MYO6: variants seen among roughly 807,000 people sequenced by gnomAD.
The protein encoded by MYO6 is unconventional myosin-VI.
MYO6 carries 74 observed loss-of-function variants against 178.7 expected under a neutral mutation model. That is an observed-to-expected ratio of 0.41 (90% CI 0.34 to 0.50). The LOEUF is 0.50. MYO6 is among the 20% of genes least tolerant of loss of function. The pLI is 0.09. For missense variants in MYO6, 1,330 were observed against 1,547.4 expected, an observed-to-expected ratio of 0.86 and a Z score of 2.36; for synonymous variants, 477 against 504.6, an observed-to-expected ratio of 0.95 and a Z score of 0.73.
intron 1 of MYO6, among the ~76,000 whole-genome samples, chr6:75,788,487 A>T (rs1767902225): frequency 6.6e-6 from 1 of 151,894 alleles, no homozygotes; most frequent in African/African-American, 2.4e-5. Context: ...TCCCCCACAC[A>T]CTCTTCCAGC....
At chr6:75,879,575 G>T (rs1777850393) in intron 20 of MYO6, among the ~76,000 whole-genome samples, 1 of 152,090 alleles carries the variant, frequency 6.6e-6, no homozygotes, top group African/African-American at 2.4e-5. Flanking sequence ...TCTGTCTAGA[G>T]ACCAATAATT....
intron 3 of MYO6, among the ~76,000 whole-genome samples, chr6:75,828,288 G>A (rs1772683687): frequency 6.6e-6 from 1 of 152,050 alleles, no homozygotes; most frequent in Non-Finnish European, 1.5e-5. Flanking sequence ...TCATTAATGA[G>A]TACTCACTAG....
chr6:75,840,964 A>G (rs914864183), intron 8 of MYO6, among the ~76,000 whole-genome samples: 1 of 152,178 alleles, frequency 6.6e-6, no homozygotes, highest in Non-Finnish European at 1.5e-5. Context: ...GTCAATTGTG[A>G]TTCTTAGGAG....
intron 12 of MYO6, among the ~76,000 whole-genome samples, chr6:75,855,843 T>C (rs932079443): frequency 1.3e-5 from 2 of 152,148 alleles, no homozygotes; most frequent in Admixed American, 6.5e-5. Flanking sequence ...TAGAATAAAA[T>C]TGACATTCAG....
intron 20 of MYO6, among the ~76,000 whole-genome samples, chr6:75,879,506 C>T (rs1437196096): frequency 2.7e-5 from 4 of 150,438 alleles, no homozygotes; most frequent in South Asian, 2.1e-4. Context: ...GTTTGCCTGG[C>T]GTGGCCTCCC....
At chr6:75,840,498 A>G (rs1225421775) in intron 7 of MYO6, 87 bp from the exon 8 acceptor site, 4 of 891,558 alleles carry the variant, frequency 4.5e-6, no homozygotes, top group Non-Finnish European at 7.5e-6. Flanking sequence ...TTCTAGACAT[A>G]TATATTAACA....
intron 17 of MYO6, among the ~76,000 whole-genome samples, 155 bp downstream of exon 17, chr6:75,866,776 C>A (rs1333683136): frequency 6.6e-6 from 1 of 152,232 alleles, no homozygotes; most frequent in Non-Finnish European, 1.5e-5. Context: ...AGCCACACTT[C>A]AGGTGCCCAG....
chr6:75,911,034 G>T (rs1488920563), intron 32 of MYO6, among the ~76,000 whole-genome samples: 1 of 152,020 alleles, frequency 6.6e-6, no homozygotes, highest in Non-Finnish European at 1.5e-5. Flanking sequence ...CCTCTTCCTG[G>T]TACAGTCCTG....
intron 1 of MYO6, among the ~76,000 whole-genome samples, chr6:75,770,014 A>AGG (rs1312104679): frequency 2.0e-5 from 3 of 152,072 alleles, no homozygotes; most frequent in African/African-American, 4.8e-5. Flanking sequence ...CCCTTCTCAC[A>AGG]GCTCCAGTAG....
At chr6:75,860,294 C>T (rs541074089) in intron 14 of MYO6, among the ~76,000 whole-genome samples, 20 of 152,258 alleles carry the variant, frequency 1.3e-4, no homozygotes, top group Middle Eastern at 3.4e-3. Context: ...CTGGCATAAA[C>T]AAACAGGTAA....
At chr6:75,804,282 G>C (rs1232448089) in intron 1 of MYO6, among the ~76,000 whole-genome samples, 1 of 152,220 alleles carries the variant, frequency 6.6e-6, no homozygotes, top group African/African-American at 2.4e-5. Flanking sequence ...AAACTTACTA[G>C]CCACAGCCAA....
intron 7 of MYO6, among the ~76,000 whole-genome samples, chr6:75,837,907 A>G (rs1449310313): frequency 6.6e-6 from 1 of 152,216 alleles, no homozygotes; most frequent in African/African-American, 2.4e-5. Context: ...AAGACTAATT[A>G]GTATTCTGAT....
chr6:75,801,677 A>G (rs2150118943), intron 1 of MYO6, among the ~76,000 whole-genome samples: 1 of 152,348 alleles, frequency 6.6e-6, no homozygotes, highest in East Asian at 1.9e-4. Context: ...ACAGTGGCTC[A>G]TGCCTGTAAT....
intron 29 of MYO6, among the ~76,000 whole-genome samples, chr6:75,897,566 C>T (rs955850302): frequency 5.9e-5 from 9 of 152,182 alleles, no homozygotes; most frequent in African/African-American, 2.2e-4. Context: ...GAAGCAAATA[C>T]ACCCATCTTC....
rs1315664814 is a variant in MYO6 at position 75,892,661 on chromosome 6, T to A, written c.3078T>A (p.Asp1026Glu). ...AGAGTGAAGCCGAGCTCATCAGTGA[T>A]GAGGCCCAGGCCGACCTGGCGCTGC... ...IAQSEAELIS[D>E]EAQADLALRR... The change falls in exon 28 of 35, where the codon GAT becomes GAA. Residue 1026 changes from aspartate to glutamate, a missense_variant. Coordinates refer to ENST00000369977, the MANE Select transcript of MYO6 (RefSeq NM_004999.4). 1 of 1,612,530 alleles carries A rather than the reference T, an allele frequency of 6.2e-7. No homozygotes were observed. Among genetic ancestry groups the A allele is most frequent in the African/African-American group, 1.3e-5 (1 of 74,884 alleles).
intron 30 of MYO6, 83 bp downstream of exon 30, chr6:75,898,494 C>A (rs890250373): frequency 1.8e-6 from 2 of 1,142,448 alleles, no homozygotes; most frequent in African/African-American, 1.5e-5. Flanking sequence ...GGACCAGAAC[C>A]TGTTACATGA....
intron 1 of MYO6, among the ~76,000 whole-genome samples, chr6:75,788,285 A>G (rs1767879231): frequency 6.6e-6 from 1 of 151,852 alleles, no homozygotes; most frequent in African/African-American, 2.4e-5. Flanking sequence ...AATCACTTGA[A>G]CCTGGGAGGC....
intron 28 of MYO6, among the ~76,000 whole-genome samples, chr6:75,893,305 G>A (rs1779048982): frequency 1.3e-5 from 2 of 151,890 alleles, no homozygotes; most frequent in Non-Finnish European, 2.9e-5. Context: ...GTTGCAGAAA[G>A]GTTTAATAGA....
intron 1 of MYO6, among the ~76,000 whole-genome samples, chr6:75,798,804 A>G (rs1410040086): frequency 1.3e-5 from 2 of 152,204 alleles, no homozygotes; most frequent in African/African-American, 4.8e-5. Flanking sequence ...AATAGGAAAA[A>G]AGAAGTCAAA....
Sources: gnomAD v4.1 joint callset for allele counts (sites outside exome capture counted in the v4.1 genomes callset) on GRCh38, gnomAD v4.1.1 for gene constraint, MANE v1.5 for transcripts, NCBI Gene and HGNC (gene_info 2026-07-23, HGNC 2026-07-21) for gene names.